Variants in DPYSL5 observed in about 807,000 individuals in gnomAD.
DPYSL5 encodes the protein dihydropyrimidinase-related protein 5.
A neutral mutation model predicts 58.4 loss-of-function variants in DPYSL5; 9 were observed. The observed-to-expected ratio is 0.15, with a 90% CI of 0.09 to 0.27. The LOEUF is 0.27. DPYSL5 is among the 10% of genes least tolerant of loss of function. The pLI, the probability that DPYSL5 is intolerant of heterozygous loss-of-function variation, is 1.00. For missense variants in DPYSL5, 499 were observed against 770.6 expected, an observed-to-expected ratio of 0.65 and a Z score of 4.17; for synonymous variants, 293 against 301.9, an observed-to-expected ratio of 0.97 and a Z score of 0.31.
intron 2 of DPYSL5, among the ~76,000 whole-genome samples, chr2:26,918,427 TGAA>T (rs1664627617): frequency 6.6e-6 from 1 of 151,932 alleles, no homozygotes. Context: ...ACGCTGAAGG[TGAA>T]GGAGGTTACC....
chr2:26,884,142 TATC>T (rs1663646598), intron 1 of DPYSL5, among the ~76,000 whole-genome samples: 1 of 152,164 alleles, frequency 6.6e-6, no homozygotes, highest in African/African-American at 2.4e-5. Flanking sequence ...AGGGCTGAGT[TATC>T]TGCCAGGAGT....
intron 2 of DPYSL5, among the ~76,000 whole-genome samples, chr2:26,901,705 G>A (rs1664160503): frequency 6.6e-6 from 1 of 152,170 alleles, no homozygotes; most frequent in South Asian, 2.1e-4. Context: ...GAGAGATCAA[G>A]TTGCATCTTT....
intron 1 of DPYSL5, among the ~76,000 whole-genome samples, chr2:26,870,105 A>C (rs894673591): frequency 1.3e-5 from 2 of 152,204 alleles, no homozygotes; most frequent in African/African-American, 2.4e-5. Context: ...CAACTTGTAA[A>C]ATTGTTTAAT....
At position 26,898,905 on chromosome 2, in the gene DPYSL5, T is replaced by A; in HGVS notation, c.261+145T>A. 1 of 989,208 alleles carries A rather than the reference T, an allele frequency of 1.0e-6. No homozygotes were observed. Among genetic ancestry groups the A allele is most frequent in the African/African-American group, 1.6e-5 (1 of 61,212 alleles). The allele number at this position is 989,208 out of a possible 1,614,324, so 61.3% of individuals were successfully genotyped here. A position where few individuals can be genotyped will look rare whatever the true frequency, so the allele number is the denominator to read the frequency against. ...GGTGTGTCAGGGCCACTGTGGCAACTACAATAGGGATTTCCGGCTTAACGT... is the reference window on the plus strand; with the variant it reads ...GGTGTGTCAGGGCCACTGTGGCAACAACAATAGGGATTTCCGGCTTAACGT... On this transcript the variant is annotated intron_variant, in intron 2 of 12. Transcript: ENST00000288699. This position sits in a 1 kb window ranked among gnomAD's most constrained non-coding sequence, Gnocchi z 6.1.
In DPYSL5 at chr2:26,928,760, CGTGTGTGT is replaced by C. The variant is rs753826731; in HGVS notation, c.669+446_669+453del. Among the ~76,000 whole-genome samples the C allele has an allele frequency of 1.0e-4, 3 of 29,244 alleles. 1 individual carries two copies. Among genetic ancestry groups the C allele is most frequent in the Non-Finnish European group, 2.7e-4 (3 of 11,024 alleles). 19.2% of individuals were successfully genotyped at this position (29,244 alleles called of 152,430 possible). A position where few individuals can be genotyped will look rare whatever the true frequency, so the allele number is the denominator to read the frequency against. ...ACACACGCACACACATACGTGTGTG[CGTGTGTGT>C]GTGTGTGTATAGCATCATTTTCTCC... On this transcript the variant is annotated intron_variant, in intron 5 of 12. Transcript: ENST00000288699.
Position 26,942,512 on chromosome 2 carries a change from G to A in DPYSL5, c.1233-31G>A. 2.5e-6 allele frequency: 4 copies of A among 1,601,814 alleles called. No individual in the cohort carries two copies. The highest frequency in any genetic ancestry group is 2.2e-5 in the East Asian group (1 of 44,542). ...TGTGACATTTTGACCTGTCCTCAGC[G>A]CTTTCTCTCCCGCCATTGCCTCCCC... is the stretch of plus-strand genomic sequence containing the variant. On this transcript the variant is annotated intron_variant, in intron 10 of 12. Coordinates refer to ENST00000288699, the MANE Select transcript of DPYSL5 (RefSeq NM_020134.4). The surrounding 1 kb of genome is among the most constrained non-coding windows in gnomAD (Gnocchi z 5.9).
At chr2:26,866,926 G>A (rs895977500) in intron 1 of DPYSL5, among the ~76,000 whole-genome samples, 1 of 151,770 alleles carries the variant, frequency 6.6e-6, no homozygotes, top group Non-Finnish European at 1.5e-5. Context: ...TAGAGACGGG[G>A]TTTCACCATG....
chr2:26,920,245 T>C (rs750205239), intron 2 of DPYSL5, among the ~76,000 whole-genome samples: 1 of 152,118 alleles, frequency 6.6e-6, no homozygotes, highest in Non-Finnish European at 1.5e-5. Context: ...TAAGTTTGAG[T>C]AGTGGAAATA....
At chr2:26,918,231 G>C (rs2148152613) in intron 2 of DPYSL5, among the ~76,000 whole-genome samples, 1 of 152,052 alleles carries the variant, frequency 6.6e-6, no homozygotes, top group African/African-American at 2.4e-5. Flanking sequence ...ATGGAGCTGG[G>C]TGGGCCTGGA....
chr2:26,882,943 T>C (rs1192617500), intron 1 of DPYSL5, among the ~76,000 whole-genome samples: 1 of 146,938 alleles, frequency 6.8e-6, no homozygotes, highest in East Asian at 2.0e-4. Flanking sequence ...ATGTAACATA[T>C]AGAAAGTCTG....
In DPYSL5 at chr2:26,849,089, TAGTG is replaced by T. The variant is rs890695412; in HGVS notation, c.-5+836_-5+839del. Among the ~76,000 whole-genome samples the T allele has an allele frequency of 5.2e-5, 7 of 133,640 alleles. No individual in the cohort carries two copies. The highest frequency in any genetic ancestry group is 2.0e-4 in the African/African-American group (7 of 34,932). The allele number at this position is 133,640 out of a possible 152,430, so 87.7% of individuals were successfully genotyped here. On this transcript the variant is annotated intron_variant, in intron 1 of 12. Coordinates refer to ENST00000288699, the MANE Select transcript of DPYSL5 (RefSeq NM_020134.4). The surrounding 1 kb of genome is among the most constrained non-coding windows in gnomAD (Gnocchi z 6.2). ...GGCTGGGGAGCTGGGTTAGGACAGG[TAGTG>T]GGTCTCGGGGAGCAGGGAGTGGGAA...
chr2:26,941,067 G>C (rs1162701918), intron 9 of DPYSL5, among the ~76,000 whole-genome samples: 2 of 151,938 alleles, frequency 1.3e-5, no homozygotes, highest in Non-Finnish European at 2.9e-5. Flanking sequence ...CTCCCGAGTA[G>C]CTGGGACTAC....
Position 26,924,517 on chromosome 2 carries a change from A to G in DPYSL5, c.262-370A>G, listed in dbSNP as rs867580805. ...ACAACACTATATTATGTTATATATT[A>G]CATGCAGACATTTGATCATGTTATC... On this transcript the variant is annotated intron_variant, in intron 2 of 12. Coordinates refer to ENST00000288699, the MANE Select transcript of DPYSL5 (RefSeq NM_020134.4). The surrounding 1 kb of genome is among the most constrained non-coding windows in gnomAD (Gnocchi z 4.7). Among the ~76,000 whole-genome samples the G allele has an allele frequency of 2.7e-4, 41 of 152,262 alleles. No individual in the cohort carries two copies. The highest frequency in any genetic ancestry group is 9.2e-4 in the African/African-American group (38 of 41,468).
At chr2:26,941,927 T>C in intron 9 of DPYSL5, 23 bp from the exon 10 acceptor site, 1 of 1,613,870 alleles carries the variant, frequency 6.2e-7, no homozygotes, top group Non-Finnish European at 8.5e-7. Flanking sequence ...CTGGTTGACT[T>C]GACACTTTCT....
chr2:26,866,732 C>CTTT (rs1298358466), intron 1 of DPYSL5, among the ~76,000 whole-genome samples: 3 of 132,884 alleles, frequency 2.3e-5, no homozygotes, highest in African/African-American at 2.9e-5. Context: ...AATTCTTCTT[C>CTTT]TTTTTTTTTT....
chr2:26,892,803 C>T (rs1663923159), intron 1 of DPYSL5, among the ~76,000 whole-genome samples: 1 of 116,622 alleles, frequency 8.6e-6, no homozygotes, highest in Admixed American at 9.0e-5. Context: ...GAATGCATCT[C>T]AGACTTCTGG....
chr2:26,932,185 A>AAGAAAGAAAGAAAGAC (rs1558351556), intron 6 of DPYSL5, among the ~76,000 whole-genome samples: 2,023 of 70,270 alleles, frequency 0.029, 69 homozygotes, highest in Non-Finnish European at 0.043. Flanking sequence ...GAAAGAAAGA[A>AAGAAAGAAAGAAAGAC]AGAAAGAAAG....
At chr2:26,931,751 T>C in intron 6 of DPYSL5, 67 bp downstream of exon 6, 1 of 1,562,482 alleles carries the variant, frequency 6.4e-7, no homozygotes, top group Non-Finnish European at 8.8e-7. Flanking sequence ...CTGATGTCTG[T>C]AATCCCAGCA....
chr2:26,905,426 C>T lies in DPYSL5; in HGVS notation c.261+6666C>T, dbSNP rs1664262383. 6.6e-6 allele frequency among the ~76,000 whole-genome samples: 1 copy of T among 152,202 alleles called. No homozygotes were observed. The highest frequency in any genetic ancestry group is 2.4e-5 in the African/African-American group (1 of 41,446). On this transcript the variant is annotated intron_variant, in intron 2 of 12. Transcript: ENST00000288699. The surrounding 1 kb of genome is among the most constrained non-coding windows in gnomAD (Gnocchi z 4.0). Reference sequence around the variant, plus strand: ...TTCCAGTTCCTTGAGAAAAGATCCACCGACTTTGGCTTCACAATGAAATTG... The same window carrying T: ...TTCCAGTTCCTTGAGAAAAGATCCATCGACTTTGGCTTCACAATGAAATTG...
Sources: allele counts gnomAD v4.1 joint callset (sites outside exome capture counted in the v4.1 genomes callset), GRCh38; gene constraint gnomAD v4.1.1; non-coding constraint Gnocchi (gnomAD v3.1); transcripts MANE v1.5; gene names NCBI Gene and HGNC (gene_info 2026-07-23, HGNC 2026-07-21).